Variants in NRG1 observed in about 807,000 individuals in gnomAD.
NRG1 encodes the protein pro-neuregulin-1, membrane-bound isoform.
In NRG1, 18 loss-of-function variants were observed where a neutral mutation model predicts 63.8. The ratio of observed to expected loss-of-function variants is 0.28; its 90% confidence interval spans 0.19 to 0.42. NRG1 has a LOEUF of 0.42. NRG1 is among the 10% of genes least tolerant of loss of function. The pLI is 1.00. For missense variants in NRG1, 762 were observed against 814.7 expected, an observed-to-expected ratio of 0.94 and a Z score of 0.79; for synonymous variants, 302 against 301.3, an observed-to-expected ratio of 1.00 and a Z score of -0.02.
At chr8:32,187,981 C>A (rs560794510) in intron 1 of NRG1, among the ~76,000 whole-genome samples, 1 of 152,036 alleles carries the variant, frequency 6.6e-6, no homozygotes, top group Non-Finnish European at 1.5e-5. Flanking sequence ...CTCTGAAGGT[C>A]GACACTCTCA....
chr8:31,833,133 T>G (rs1041551923), intron 1 of NRG1, among the ~76,000 whole-genome samples: 8 of 151,922 alleles, frequency 5.3e-5, no homozygotes, highest in Non-Finnish European at 8.8e-5. Context: ...GAAAGAAAAT[T>G]GTTAGAAAAG....
At chr8:32,589,875 C>T (rs1438558336) in intron 1 of NRG1, among the ~76,000 whole-genome samples, 1 of 152,062 alleles carries the variant, frequency 6.6e-6, no homozygotes, top group Non-Finnish European at 1.5e-5. Flanking sequence ...TTTTTTCACC[C>T]ATTAAATTAT....
At chr8:32,350,752 A>G (rs1368605601) in intron 1 of NRG1, among the ~76,000 whole-genome samples, 1 of 152,050 alleles carries the variant, frequency 6.6e-6, no homozygotes, top group Non-Finnish European at 1.5e-5. Context: ...TAGGAATATA[A>G]TAAATAACTA....
At chr8:32,672,732 A>G (rs371374078) in intron 5 of NRG1, among the ~76,000 whole-genome samples, 8 of 151,786 alleles carry the variant, frequency 5.3e-5, no homozygotes, top group African/African-American at 1.9e-4. Flanking sequence ...TTGACCTTAC[A>G]GCACTGTTCT....
chr8:31,650,000 A>T (rs894422792), intron 1 of NRG1, among the ~76,000 whole-genome samples: 2 of 152,144 alleles, frequency 1.3e-5, no homozygotes, highest in African/African-American at 4.8e-5. Context: ...TTTGTTTCAG[A>T]CAGGGTCTTG....
At chr8:31,905,130 T>C (rs943458561) in intron 1 of NRG1, among the ~76,000 whole-genome samples, 1 of 152,076 alleles carries the variant, frequency 6.6e-6, no homozygotes, top group Admixed American at 6.6e-5. Context: ...GACAGTAGTA[T>C]TGAGAAAGCA....
intron 5 of NRG1, among the ~76,000 whole-genome samples, chr8:32,703,217 G>A (rs777974611): frequency 2.6e-5 from 4 of 152,074 alleles, no homozygotes; most frequent in South Asian, 2.1e-4. Context: ...GAAACACTAC[G>A]ACATTCTTTA....
At chr8:32,587,968 A>C (rs1358200154) in intron 1 of NRG1, among the ~76,000 whole-genome samples, 1 of 151,896 alleles carries the variant, frequency 6.6e-6, no homozygotes, top group African/African-American at 2.4e-5. Flanking sequence ...TTGCCCTGTC[A>C]CCCAGGCTGG....
chr8:32,120,813 A>G (rs980900461), intron 1 of NRG1, among the ~76,000 whole-genome samples: 1 of 151,990 alleles, frequency 6.6e-6, no homozygotes, highest in Non-Finnish European at 1.5e-5. Flanking sequence ...AAACAATGCT[A>G]ATTTTGTTGA....
intron 1 of NRG1, among the ~76,000 whole-genome samples, chr8:31,807,804 C>G (rs1352925927): frequency 1.3e-5 from 2 of 152,092 alleles, no homozygotes; most frequent in African/African-American, 2.4e-5. Flanking sequence ...TGAATATTTT[C>G]ATAGAAAACA....
chr8:32,608,165 G>GT (rs139041879), intron 3 of NRG1, among the ~76,000 whole-genome samples: 3,504 of 125,980 alleles, frequency 0.028, 79 homozygotes, highest in Middle Eastern at 0.12. Flanking sequence ...TATCTGAAAT[G>GT]TTTTTTGTGT....
intron 5 of NRG1, among the ~76,000 whole-genome samples, chr8:32,672,897 AG>A (rs1451779077): frequency 6.6e-6 from 1 of 152,206 alleles, no homozygotes; most frequent in Non-Finnish European, 1.5e-5. Flanking sequence ...CACTCTTCAT[AG>A]GTTGTGGATA....
intron 1 of NRG1, among the ~76,000 whole-genome samples, chr8:31,965,195 G>T (rs1397450693): frequency 6.6e-6 from 1 of 151,204 alleles, no homozygotes; most frequent in East Asian, 1.9e-4. Context: ...GGACACTGAG[G>T]TTGGTTTCAT....
In NRG1 at chr8:32,421,471, C is replaced by T. The variant is rs188782733; in HGVS notation, c.38-174357C>T. ...GCTGGGCAGCTAGAGCTCACAGGCA[C>T]GCCGCATGATGAGTGAGGTCATGTT... On this transcript the variant is annotated intron_variant, in intron 1 of 10. Coordinates refer to the NRG1 transcript ENST00000519301. 9.7e-3 allele frequency among the ~76,000 whole-genome samples: 1,479 copies of T among 152,214 alleles called. 10 individuals carry two copies. The highest frequency in any genetic ancestry group is 0.027 in the Middle Eastern group (8 of 292).
chr8:31,658,652 A>G (rs1010785923), intron 1 of NRG1, among the ~76,000 whole-genome samples: 3 of 152,140 alleles, frequency 2.0e-5, no homozygotes, highest in Non-Finnish European at 2.9e-5. Context: ...TTGTAGAGAC[A>G]GGGTTTCACT....
At position 31,664,703 on chromosome 8, in the gene NRG1, A is replaced by G. The variant is rs765021351; in HGVS notation, c.37+25272A>G. Among the ~76,000 whole-genome samples the G allele has an allele frequency of 5.3e-5, 8 of 152,194 alleles. No individual in the cohort carries two copies. In the East Asian group the frequency reaches 1.5e-3, roughly 29 times the overall value. ...GAGGATGGAACGGTGTGTAGCGGGG[A>G]TGGCAGTTGATCTGCAAAATCAGGC... is the stretch of plus-strand genomic sequence containing the variant. On this transcript the variant is annotated intron_variant, in intron 1 of 10. Transcript: ENST00000519301.
chr8:32,167,973 C>T (rs1458955001), intron 1 of NRG1, among the ~76,000 whole-genome samples: 1 of 152,138 alleles, frequency 6.6e-6, no homozygotes, highest in Non-Finnish European at 1.5e-5. Context: ...AATCTCCAAA[C>T]ATGCATTTTG....
intron 1 of NRG1, among the ~76,000 whole-genome samples, chr8:32,397,434 G>C (rs1382653629): frequency 6.6e-6 from 1 of 150,420 alleles, no homozygotes. Flanking sequence ...TTTAAATTTT[G>C]AACAACATAT....
chr8:32,052,112 A>C (rs1822068759), intron 1 of NRG1, among the ~76,000 whole-genome samples: 1 of 152,124 alleles, frequency 6.6e-6, no homozygotes, highest in African/African-American at 2.4e-5. Flanking sequence ...ATACTGGTAG[A>C]TAGCAGAGTC....
Sources: allele counts gnomAD v4.1 joint callset (sites outside exome capture counted in the v4.1 genomes callset), GRCh38; gene constraint gnomAD v4.1.1; transcripts MANE v1.5; gene names NCBI Gene and HGNC (gene_info 2026-07-23, HGNC 2026-07-21).